The following ANK3 variants were observed in gnomAD, a reference collection of about 807,000 sequenced individuals.
ANK3 encodes the protein ankyrin-3.
ANK3 carries 57 observed loss-of-function variants against 370.9 expected under a neutral mutation model. The ratio of observed to expected loss-of-function variants is 0.15; its 90% CI spans 0.12 to 0.19. The LOEUF is 0.19. Among genes scored for constraint, ANK3 ranks in the 10% least tolerant of loss-of-function variants. The probability of loss-of-function intolerance (pLI) is 1.00; values close to 1 mark genes in which losing one functional copy is unlikely to be tolerated. For synonymous variants in ANK3, 1,929 were observed against 1,946.3 expected (o/e 0.99, Z 0.23); for missense variants, 4,439 against 5,302.1 (o/e 0.84, Z 5.06).
At chr10:60,432,504 G>C (rs886870077) in intron 2 of ANK3, among the ~76,000 whole-genome samples, 3 of 152,126 alleles carry the variant, frequency 2.0e-5, no homozygotes. Flanking sequence ...CACATATAAA[G>C]GTAAACATCC....
At chr10:60,307,681 C>G (rs2045447299) in intron 1 of ANK3, among the ~76,000 whole-genome samples, 1 of 152,046 alleles carries the variant, frequency 6.6e-6, no homozygotes. Context: ...CTCCCATGAA[C>G]CTAGAATGTT....
rs147679070 is a variant in ANK3, at chr10:60,122,803, G to A, written c.2842-8472C>T. 8.5e-4 allele frequency among the ~76,000 whole-genome samples: 129 copies of A among 152,262 alleles called. 1 individual carries two copies. The highest frequency in any genetic ancestry group is 2.9e-3 in the African/African-American group (120 of 41,548). On this transcript the variant is annotated intron_variant, in intron 25 of 43. Coordinates refer to ENST00000280772, the MANE Select transcript of ANK3 (RefSeq NM_020987.5). ...ATCTGATCATTTATGGTGGAAAACA[G>A]CAAAAATAAAAATATTCCAGTCCCA... is the stretch of plus-strand genomic sequence containing the variant.
chr10:60,692,468 A>T lies in ANK3; in HGVS notation c.57+40795T>A, dbSNP rs1254365722. 1.3e-5 allele frequency among the ~76,000 whole-genome samples: 2 copies of T among 152,166 alleles called. 1 individual carries two copies. The highest frequency in any genetic ancestry group is 4.1e-4 in the South Asian group (2 of 4,830). ...ATCTATTTCTAGGTTCTCAATTTCC[A>T]TTTCTAGTTTTCCCTAAAACTGATC... On this transcript the variant is annotated intron_variant, in intron 1 of 43. Transcript: ENST00000373827.
intron 1 of ANK3, among the ~76,000 whole-genome samples, chr10:60,654,635 C>G (rs2078838090): frequency 6.6e-6 from 1 of 152,066 alleles, no homozygotes; most frequent in South Asian, 2.1e-4. Flanking sequence ...GAAATAAATC[C>G]TACATGGTCA....
intron 1 of ANK3, among the ~76,000 whole-genome samples, chr10:60,321,290 A>G (rs967479742): frequency 6.6e-6 from 1 of 152,054 alleles, no homozygotes; most frequent in South Asian, 2.1e-4. Flanking sequence ...CAAGAGGCTG[A>G]GGTTGGAGGA....
chr10:60,420,130 G>A (rs1416091704), intron 2 of ANK3, among the ~76,000 whole-genome samples: 1 of 152,116 alleles, frequency 6.6e-6, no homozygotes, highest in Non-Finnish European at 1.5e-5. Flanking sequence ...GAGCAGCTCT[G>A]TTTATATACC....
intron 23 of ANK3, among the ~76,000 whole-genome samples, chr10:60,147,296 T>G (rs1256725191): frequency 6.6e-6 from 1 of 152,116 alleles, no homozygotes; most frequent in African/African-American, 2.4e-5. Flanking sequence ...AAACTGACAG[T>G]CCCGTGCTCA....
intron 25 of ANK3, among the ~76,000 whole-genome samples, chr10:60,124,536 C>T (rs1233901033): frequency 6.6e-6 from 1 of 152,120 alleles, no homozygotes; most frequent in Non-Finnish European, 1.5e-5. Context: ...ATGTTGCATC[C>T]CTCTATGTAG....
At chr10:60,572,685 CA>C (rs1838112000) in intron 2 of ANK3, 1 of 1,427,510 alleles carries the variant, frequency 7.0e-7, no homozygotes, top group African/African-American at 1.4e-5. Context: ...CTGCTGCTGT[CA>C]GAGAGACGCG....
At chr10:60,145,536 T>C (rs930490898) in intron 23 of ANK3, among the ~76,000 whole-genome samples, 9 of 152,324 alleles carry the variant, frequency 5.9e-5, no homozygotes, top group Admixed American at 2.6e-4. Context: ...ATTTACTATG[T>C]TTTAGGCACT....
At chr10:60,045,791 A>G (rs2076852237) in intron 42 of ANK3, among the ~76,000 whole-genome samples, 1 of 152,254 alleles carries the variant, frequency 6.6e-6, no homozygotes, top group South Asian at 2.1e-4. Flanking sequence ...GCCAATGGTG[A>G]GAACATTCTA....
At chr10:60,549,713 A>G (rs1274229258) in intron 2 of ANK3, among the ~76,000 whole-genome samples, 1 of 152,210 alleles carries the variant, frequency 6.6e-6, no homozygotes, top group Non-Finnish European at 1.5e-5. Context: ...AAATTGTTTT[A>G]TATCAAATCC....
intron 2 of ANK3, among the ~76,000 whole-genome samples, chr10:60,583,511 G>GTTTTTTTTTTTTTTTTTTTTTTTTTT (rs750384975): frequency 2.0e-5 from 2 of 100,078 alleles, no homozygotes; most frequent in African/African-American, 3.4e-5. Context: ...GAGGTTTTTT[G>GTTTTTTTTTTTTTTTTTTTTTTTTTT]TTTTTTGTTT....
chr10:60,457,351 G>C (rs2064773647), intron 2 of ANK3, among the ~76,000 whole-genome samples: 1 of 152,138 alleles, frequency 6.6e-6, no homozygotes, highest in Non-Finnish European at 1.5e-5. Flanking sequence ...AAAACCATTA[G>C]GATCACTGTG....
chr10:60,600,115 A>G (rs1488659259), intron 2 of ANK3, among the ~76,000 whole-genome samples: 2 of 152,204 alleles, frequency 1.3e-5, no homozygotes, highest in African/African-American at 4.8e-5. Context: ...GTAGCAAACA[A>G]TATTTGACTC....
At chr10:60,564,387 G>T (rs1224716096) in intron 2 of ANK3, among the ~76,000 whole-genome samples, 5 of 152,138 alleles carry the variant, frequency 3.3e-5, no homozygotes. Context: ...AACAACAAAA[G>T]ACTTCAAAAG....
At chr10:60,692,315 G>T (rs1434748471) in intron 1 of ANK3, among the ~76,000 whole-genome samples, 1 of 152,176 alleles carries the variant, frequency 6.6e-6, no homozygotes, top group Non-Finnish European at 1.5e-5. Context: ...TGTTAGACAA[G>T]ACCAACGTAG....
chr10:60,154,668 G>A (rs759765831), intron 23 of ANK3, among the ~76,000 whole-genome samples: 48 of 152,046 alleles, frequency 3.2e-4, no homozygotes, highest in East Asian at 3.9e-4. Flanking sequence ...GGTGGTGGGC[G>A]CCTGTAGTCC....
intron 16 of ANK3, among the ~76,000 whole-genome samples, chr10:60,190,581 TG>T (rs2096459036): frequency 1.3e-5 from 2 of 152,228 alleles, no homozygotes; most frequent in Admixed American, 1.3e-4. Context: ...GTGGAACTTC[TG>T]GGAAAGCCTT....
Sources: allele counts gnomAD v4.1 joint callset (sites outside exome capture counted in the v4.1 genomes callset), GRCh38; gene constraint gnomAD v4.1.1; transcripts MANE v1.5; gene names NCBI Gene and HGNC (gene_info 2026-07-23, HGNC 2026-07-21).